PTGER3: variants seen among roughly 807,000 people sequenced by gnomAD.
PTGER3 encodes prostaglandin E receptor 3, also known as prostaglandin E2 receptor EP3 subtype.
Under a neutral mutation model 34.7 loss-of-function variants are expected in PTGER3, and 22 were observed. The observed-to-expected ratio is 0.63, with a 90% CI of 0.45 to 0.91. The LOEUF is 0.91. PTGER3 is among the 40% of genes least tolerant of loss of function. The pLI is 0.00. For synonymous variants in PTGER3, 241 were observed against 230.1 expected, an observed-to-expected ratio of 1.05 and a Z score of -0.43; for missense variants, 468 against 519.4, an observed-to-expected ratio of 0.90 and a Z score of 0.96.
At chr1:70,899,039 T>C (rs1364526004) in intron 4 of PTGER3, among the ~76,000 whole-genome samples, 2 of 152,138 alleles carry the variant, frequency 1.3e-5, no homozygotes, top group African/African-American at 4.8e-5. Context: ...CTCCAAGAAA[T>C]GGACTATTCT....
intron 4 of PTGER3, among the ~76,000 whole-genome samples, chr1:70,916,054 A>C (rs1380305683): frequency 6.6e-6 from 1 of 151,930 alleles, no homozygotes; most frequent in Non-Finnish European, 1.5e-5. Flanking sequence ...CAGATAACCC[A>C]ATTTAAAAAA....
chr1:70,994,550 T>C (rs528974362), intron 2 of PTGER3, among the ~76,000 whole-genome samples: 2 of 152,040 alleles, frequency 1.3e-5, no homozygotes, highest in Non-Finnish European at 2.9e-5. Flanking sequence ...CTCCGCCTCC[T>C]GGGTTCAAGT....
intron 1 of PTGER3, among the ~76,000 whole-genome samples, chr1:71,022,454 A>G (rs1217570156): frequency 6.6e-6 from 1 of 151,984 alleles, no homozygotes; most frequent in Non-Finnish European, 1.5e-5. Context: ...TTCCTGTGAC[A>G]TAGTGGGTAC....
intron 4 of PTGER3, among the ~76,000 whole-genome samples, chr1:70,945,202 A>G (rs1272888647): frequency 6.6e-6 from 1 of 152,154 alleles, no homozygotes; most frequent in Non-Finnish European, 1.5e-5. Context: ...TGAAAAACAA[A>G]CTAAACATGG....
chr1:70,992,344 T>C (rs1655550780), intron 2 of PTGER3, among the ~76,000 whole-genome samples: 1 of 152,214 alleles, frequency 6.6e-6, no homozygotes. Flanking sequence ...GAATTTGTGG[T>C]TGATATCCTT....
chr1:70,904,969 G>T (rs1294988824), intron 4 of PTGER3, among the ~76,000 whole-genome samples: 1 of 152,138 alleles, frequency 6.6e-6, no homozygotes, highest in Non-Finnish European at 1.5e-5. Flanking sequence ...ATGGTTTCCT[G>T]GGTTGGGCCT....
chr1:70,966,434 T>C (rs561638691), downstream of PTGER3, among the ~76,000 whole-genome samples: 2 of 152,290 alleles, frequency 1.3e-5, no homozygotes, highest in African/African-American at 4.8e-5. Flanking sequence ...AAGAAGTTAT[T>C]TAATATGCAG....
chr1:70,926,006 C>T (rs1648045598), intron 4 of PTGER3, among the ~76,000 whole-genome samples: 1 of 152,144 alleles, frequency 6.6e-6, no homozygotes, highest in South Asian at 2.1e-4. Context: ...CCAAATTAGG[C>T]AAAGGATGTC....
intron 4 of PTGER3, among the ~76,000 whole-genome samples, chr1:70,923,119 C>T (rs1647708863): frequency 6.6e-6 from 1 of 151,746 alleles, no homozygotes; most frequent in African/African-American, 2.4e-5. Flanking sequence ...TTGGGTGTAA[C>T]ATCAATAATG....
intron 1 of PTGER3, among the ~76,000 whole-genome samples, chr1:71,037,320 C>T (rs1572996947): frequency 6.6e-6 from 1 of 152,332 alleles, no homozygotes; most frequent in Middle Eastern, 3.4e-3. Flanking sequence ...GAGGCTACCA[C>T]GTAGAGCTGC....
At chr1:71,017,469 A>G (rs1658008317) in intron 1 of PTGER3, among the ~76,000 whole-genome samples, 1 of 152,116 alleles carries the variant, frequency 6.6e-6, no homozygotes, top group Non-Finnish European at 1.5e-5. Context: ...TGTTGCTCTT[A>G]AGCCACTGAT....
intron 1 of PTGER3, among the ~76,000 whole-genome samples, chr1:71,044,270 C>G (rs1264774890): frequency 6.6e-6 from 1 of 151,524 alleles, no homozygotes; most frequent in Non-Finnish European, 1.5e-5. Flanking sequence ...AACCCCATCT[C>G]TACTAAAAAT....
At chr1:70,999,287 C>A (rs564888334) in intron 2 of PTGER3, among the ~76,000 whole-genome samples, 7 of 152,156 alleles carry the variant, frequency 4.6e-5, no homozygotes, top group Non-Finnish European at 7.3e-5. Flanking sequence ...AGTTTGGAGA[C>A]GCTGAGATTT....
intron 2 of PTGER3, among the ~76,000 whole-genome samples, chr1:70,982,822 T>C (rs1423373294): frequency 6.6e-6 from 1 of 152,092 alleles, no homozygotes; most frequent in East Asian, 1.9e-4. Flanking sequence ...CTTGGCTCAG[T>C]TGAAGTTCTC....
intron 4 of PTGER3, among the ~76,000 whole-genome samples, chr1:70,886,754 A>G (rs2100246271): frequency 6.6e-6 from 1 of 152,300 alleles, no homozygotes; most frequent in East Asian, 1.9e-4. Context: ...CTTTATCTCC[A>G]GGGCTAAGCA....
At chr1:70,946,972 G>A (rs1290435923) in intron 4 of PTGER3, among the ~76,000 whole-genome samples, 1 of 152,002 alleles carries the variant, frequency 6.6e-6, no homozygotes, top group Non-Finnish European at 1.5e-5. Flanking sequence ...CAGTGACCTG[G>A]GATAGCACGG....
At chr1:70,985,650 C>G (rs1654847313) in intron 2 of PTGER3, among the ~76,000 whole-genome samples, 1 of 152,158 alleles carries the variant, frequency 6.6e-6, no homozygotes, top group Non-Finnish European at 1.5e-5. Flanking sequence ...GTTACCTCCT[C>G]CTCCCTGCTC....
At chr1:70,862,778 G>T (rs763643820) in intron 4 of PTGER3, among the ~76,000 whole-genome samples, 1 of 152,134 alleles carries the variant, frequency 6.6e-6, no homozygotes, top group Non-Finnish European at 1.5e-5. Context: ...AGACAGGAAA[G>T]CTTACTGAGG....
At chr1:70,953,987 G>C (rs1256381089) in intron 2 of PTGER3, among the ~76,000 whole-genome samples, 1 of 152,092 alleles carries the variant, frequency 6.6e-6, no homozygotes, top group African/African-American at 2.4e-5. Context: ...GGGGAACACT[G>C]TCATTCATCC....
Sources: allele counts gnomAD v4.1 joint callset (sites outside exome capture counted in the v4.1 genomes callset), GRCh38; gene constraint gnomAD v4.1.1; transcripts MANE v1.5; gene names NCBI Gene and HGNC (gene_info 2026-07-23, HGNC 2026-07-21).